The following SMARCAD1 variants were observed in gnomAD, a reference collection of about 807,000 sequenced individuals.
The protein encoded by SMARCAD1 is SWI/SNF-related matrix-associated actin-dependent regulator of chromatin subfamily A containing DEAD/H box 1.
SMARCAD1 carries 25 observed loss-of-function variants against 127.1 expected under a neutral mutation model. The ratio of observed to expected loss-of-function variants is 0.20; its 90% CI spans 0.14 to 0.27. SMARCAD1 has a LOEUF of 0.27. Ranked by LOEUF, SMARCAD1 falls within the 10% of genes least tolerant of loss-of-function variation. SMARCAD1 has a pLI of 1.00. For missense variants in SMARCAD1, 807 were observed against 1,206.0 expected (o/e 0.67, Z 4.90); for synonymous variants, 400 against 396.9 (o/e 1.01, Z -0.09).
chr4:94,226,005 T>C, intron 2 of SMARCAD1, 114 bp from the exon 3 acceptor site: 1 of 933,524 alleles, frequency 1.1e-6, no homozygotes, highest in Non-Finnish European at 1.6e-6. Context: ...AGAATTTTGA[T>C]TTTTAGATTG....
At chr4:94,259,303 A>G (rs568318726) in intron 9 of SMARCAD1, among the ~76,000 whole-genome samples, 1 of 152,348 alleles carries the variant, frequency 6.6e-6, no homozygotes, top group Admixed American at 6.5e-5. Flanking sequence ...GAGATTAATA[A>G]CTTTATTTAA....
chr4:94,269,509 T>TTA (rs1752227323), intron 10 of SMARCAD1, among the ~76,000 whole-genome samples: 1 of 150,378 alleles, frequency 6.6e-6, no homozygotes, highest in Non-Finnish European at 1.5e-5. Context: ...TTTTTTTTTT[T>TTA]ATCTGTTAAA....
Position 94,226,189 on chromosome 4 carries a change from A to C in SMARCAD1, c.261A>C (p.Arg87Ser). Residue 87 changes from arginine (R) to serine (S), a missense_variant, in exon 3 of 24, where the codon AGA (arginine) becomes AGC (serine). By Grantham distance (110) the Arg-to-Ser change is moderately radical. Around this residue, in one of 8 missense-constraint regions of SMARCAD1, gnomAD observed 175 missense variants for 169.5 expected, o/e 1.03. Coordinates refer to ENST00000354268, the MANE Select transcript of SMARCAD1 (RefSeq NM_020159.5). ...KASISYFKNQ[R>S]GIQYIDLSSD... is the part of the protein sequence containing the mutation. ...GTATATCATATTTCAAAAATCAAAG[A>C]GGAATACAGTATATTGATTTGTCTT... 2 of 1,611,798 alleles carry C rather than the reference A, an allele frequency of 1.2e-6. No homozygotes were observed. Among genetic ancestry groups the C allele is most frequent in the Non-Finnish European group, 1.7e-6 (2 of 1,178,028 alleles).
chr4:94,264,845 A>G lies in SMARCAD1; in HGVS notation c.1420A>G (p.Thr474Ala). 1 of 1,613,186 alleles carries G rather than the reference A, an allele frequency of 6.2e-7. No individual in the cohort carries two copies. Residue 474 changes from threonine to alanine, a missense_variant, in exon 10 of 24, where the codon ACC becomes GCC. This residue lies in a region of SMARCAD1 where 257 missense variants were observed against 303.4 expected (regional missense o/e 0.85). Transcript: ENST00000354268. ...DISNKLTKQV[T>A]MLTGNGGGWN... ...TTCAAATAAATTGACCAAACAAGTT[A>G]CCATGCTTACTGGAAATGGAGGTGG...
At chr4:94,230,277 T>C (rs1291413311) in intron 3 of SMARCAD1, among the ~76,000 whole-genome samples, 2 of 151,896 alleles carry the variant, frequency 1.3e-5, no homozygotes, top group Admixed American at 1.3e-4. Flanking sequence ...TGTCATACTT[T>C]CGTGTATTTT....
chr4:94,213,129 C>G (rs990616714), intron 2 of SMARCAD1: 1 of 1,282,374 alleles, frequency 7.8e-7, no homozygotes, highest in Non-Finnish European at 1.0e-6. Flanking sequence ...AAGCCTGATC[C>G]TCCAAGAGCA....
At chr4:94,228,399 T>C (rs1052649841) in intron 3 of SMARCAD1, among the ~76,000 whole-genome samples, 1 of 152,198 alleles carries the variant, frequency 6.6e-6, no homozygotes, top group Non-Finnish European at 1.5e-5. Flanking sequence ...ATTTATCTCC[T>C]AAAAACAAGG....
intron 23 of SMARCAD1, among the ~76,000 whole-genome samples, chr4:94,286,498 C>T (rs910316275): frequency 6.6e-6 from 1 of 152,182 alleles, no homozygotes; most frequent in African/African-American, 2.4e-5. Context: ...CATTTCCCAC[C>T]TGCAGACACT....
rs370384380 is a variant in SMARCAD1 at position 94,237,545 on chromosome 4, AT to A, written c.604+530del. On this transcript the variant is annotated intron_variant, in intron 5 of 23. Coordinates refer to ENST00000354268, the MANE Select transcript of SMARCAD1 (RefSeq NM_020159.5). Reference sequence around the variant, plus strand: ...CACCTGACCCTACTACTAAAAAAGTATTTAAATAGTGAAAGCAAACCCACAC... The same window carrying A: ...CACCTGACCCTACTACTAAAAAAGTATTAAATAGTGAAAGCAAACCCACAC... 1.3e-3 allele frequency among the ~76,000 whole-genome samples: 192 copies of A among 151,876 alleles called. 7 individuals carry two copies. In the South Asian group the frequency reaches 0.027, roughly 21 times the overall value.
intron 2 of SMARCAD1, among the ~76,000 whole-genome samples, chr4:94,224,487 C>T (rs138356016): frequency 9.2e-5 from 14 of 152,166 alleles, no homozygotes; most frequent in Non-Finnish European, 1.9e-4. Context: ...CAAGTTTGTG[C>T]GTAAAACAAA....
chr4:94,260,976 A>G (rs1750885600), intron 9 of SMARCAD1, among the ~76,000 whole-genome samples: 3 of 152,160 alleles, frequency 2.0e-5, no homozygotes, highest in African/African-American at 4.8e-5. Context: ...TTTTTATATT[A>G]GGAAGTTTCA....
At chr4:94,249,627 GT>G in intron 6 of SMARCAD1, 26 bp from the exon 7 acceptor site, 1 of 1,227,018 alleles carries the variant, frequency 8.1e-7, no homozygotes, top group East Asian at 2.3e-5. Context: ...CTCTTAAATT[GT>G]TTTCTTTTTT....
rs1753614954 is a variant in SMARCAD1 at position 94,278,610 on chromosome 4, T to A, written c.2179-6T>A. 6.2e-7 allele frequency: 1 copy of A among 1,613,778 alleles called. No homozygotes were observed. The highest frequency in any genetic ancestry group is 8.5e-7 in the Non-Finnish European group (1 of 1,179,866). ...TGATTATCTTAAACTGTTTTTTCTG[T>A]CTCAGGTTCTCAAGCAGTTACCCCC... On this transcript the variant is annotated splice_polypyrimidine_tract_variant and splice_region_variant and intron_variant, in intron 17 of 23. Coordinates refer to ENST00000354268, the MANE Select transcript of SMARCAD1 (RefSeq NM_020159.5).
intron 5 of SMARCAD1, among the ~76,000 whole-genome samples, chr4:94,239,698 AAGTAGCTGGGACT>A (rs1365692032): frequency 6.6e-6 from 1 of 151,802 alleles, no homozygotes; most frequent in Non-Finnish European, 1.5e-5. Context: ...TCAGCCTTCC[AAGTAGCTGGGACT>A]ACAGGCATGC....
chr4:94,240,846 A>G (rs1006420035), intron 5 of SMARCAD1, 60 bp from the exon 6 acceptor site: 1 of 1,306,512 alleles, frequency 7.7e-7, no homozygotes, highest in African/African-American at 1.5e-5. Flanking sequence ...TTTGTTTTAC[A>G]TTAAATTGAT....
At chr4:94,268,112 C>T (rs1752004447) in intron 10 of SMARCAD1, among the ~76,000 whole-genome samples, 1 of 152,084 alleles carries the variant, frequency 6.6e-6, no homozygotes, top group Non-Finnish European at 1.5e-5. Context: ...GAACAGCAAA[C>T]ATATATACAC....
intron 10 of SMARCAD1, among the ~76,000 whole-genome samples, chr4:94,267,493 AC>A (rs1279326896): frequency 6.6e-6 from 1 of 152,100 alleles, no homozygotes; most frequent in Non-Finnish European, 1.5e-5. Flanking sequence ...CATCACATGT[AC>A]CCCTGTTGTT....
chr4:94,250,208 C>G (rs1028770195), intron 7 of SMARCAD1, among the ~76,000 whole-genome samples: 10 of 151,868 alleles, frequency 6.6e-5, no homozygotes, highest in African/African-American at 2.4e-4. Context: ...AAAAAAGACT[C>G]ATGCCACGCA....
chr4:94,236,455 C>G (rs1746667303), intron 4 of SMARCAD1, among the ~76,000 whole-genome samples: 1 of 152,044 alleles, frequency 6.6e-6, no homozygotes. Context: ...TCCCATTTAT[C>G]TCGAGCAGTA....
Sources: allele counts gnomAD v4.1 joint callset (sites outside exome capture counted in the v4.1 genomes callset), GRCh38; gene constraint gnomAD v4.1.1; regional missense constraint gnomAD v4.1.1; transcripts MANE v1.5; gene names NCBI Gene and HGNC (gene_info 2026-07-23, HGNC 2026-07-21).